Variants in RELA observed in about 807,000 individuals in gnomAD.
RELA encodes the protein RELA proto-oncogene, NF-kB subunit.
Under a neutral mutation model 56.7 loss-of-function variants are expected in RELA, and 14 were observed. The observed-to-expected ratio is 0.25, with a 90% CI of 0.16 to 0.39. RELA has a LOEUF of 0.39. Among genes scored for constraint, RELA ranks in the 10% least tolerant of loss-of-function variants. The probability of loss-of-function intolerance (pLI) is 1.00; values close to 1 mark genes in which losing one functional copy is unlikely to be tolerated. For synonymous variants in RELA, 315 were observed against 289.7 expected (o/e 1.09, Z -0.89); for missense variants, 559 against 736.4 (o/e 0.76, Z 2.79).
intron 5 of RELA, 90 bp from the exon 6 acceptor site, chr11:65,659,887 G>A (rs779387811): frequency 3.2e-5 from 47 of 1,468,152 alleles, no homozygotes; most frequent in Non-Finnish European, 3.8e-5. Context: ...TGGGAGGGCC[G>A]CTGGTGCGTG....
intron 10 of RELA, 63 bp from the exon 11 acceptor site, chr11:65,655,063 G>T: frequency 1.5e-6 from 2 of 1,322,860 alleles, no homozygotes; most frequent in East Asian, 2.5e-5. Context: ...CCCGTCCTCT[G>T]TACCCCAGCC....
chr11:65,659,486 G>T (rs528356664), intron 6 of RELA, among the ~76,000 whole-genome samples, 180 bp downstream of exon 6: 1 of 152,288 alleles, frequency 6.6e-6, no homozygotes, highest in African/African-American at 2.4e-5. Context: ...CTCAAGGACA[G>T]CTCTGGGTCT....
rs1184817070 is a variant in RELA, at chr11:65,654,449, A to G, written c.1585T>C (p.Ser529Pro). 10 of 1,609,762 alleles carry G rather than the reference A, an allele frequency of 6.2e-6. No homozygotes were observed. Among genetic ancestry groups the G allele is most frequent in the Non-Finnish European group, 8.5e-6 (10 of 1,178,276 alleles). The change falls in exon 11 of 11, where the codon TCA becomes CCA. Residue 529 changes from serine (S) to proline (P), a missense_variant. Ser to Pro is a moderately conservative substitution (Grantham distance 74). This residue lies in a region of RELA where 365 missense variants were observed against 387.5 expected (regional missense o/e 0.94). Coordinates refer to ENST00000406246, the MANE Select transcript of RELA (RefSeq NM_021975.4). ...GAPGLPNGLL[S>P]GDEDFSSIAD... ...ATGGAGGAGAAGTCTTCATCTCCTG[A>G]AAGGAGGCCATTGGGGAGCCCCGGG...
chr11:65,661,663 C>A, intron 4 of RELA, 24 bp downstream of exon 4: 1 of 1,545,622 alleles, frequency 6.5e-7, no homozygotes, highest in Non-Finnish European at 8.8e-7. Flanking sequence ...TCATGCTGGG[C>A]CTCCTAGCCT....
In RELA at chr11:65,654,229, TA is replaced by T. The variant is rs1241148365; in HGVS notation, c.*148del. ...GAGAGAGAGATACAGATACTGACAA[TA>T]AAAGAATAAAATATGGCTCCCCCCT... On this transcript the variant is annotated 3_prime_UTR_variant, in exon 11 of 11. Coordinates refer to ENST00000406246, the MANE Select transcript of RELA (RefSeq NM_021975.4). 1.1e-6 allele frequency: 1 copy of T among 937,482 alleles called. No homozygotes were observed. The highest frequency in any genetic ancestry group is 2.0e-5 in the Admixed American group (1 of 50,482). 58.1% of individuals were successfully genotyped at this position (937,482 alleles called of 1,614,324 possible).
At position 65,661,970 on chromosome 11, in the gene RELA, G is replaced by A. The variant is rs770416604; in HGVS notation, c.153C>T (p.Ser51=). 29 of 1,613,900 alleles carry A rather than the reference G, an allele frequency of 1.8e-5. No homozygotes were observed. The highest frequency in any genetic ancestry group is 2.5e-5 in the Non-Finnish European group (29 of 1,179,978). ...TGGGGTGGGTCTTGGTGGTATCTGT[G>A]CTCCTCTCGCCTGGGATGCTGCCCG... ...RSAGSIPGER[S]TDTTKTHPTI... Residue 51 remains serine, a synonymous_variant, in exon 3 of 11, where the codon AGC becomes AGT. Transcript: ENST00000406246.
chr11:65,658,338 A>T lies in RELA; in HGVS notation c.826T>A (p.Ser276Thr). The change falls in exon 8 of 11, where the codon TCC (serine) becomes ACC (threonine). Residue 276 changes from serine to threonine, a missense_variant. This residue lies in a region of RELA where 365 missense variants were observed against 387.5 expected (regional missense o/e 0.94). Coordinates refer to ENST00000406246, the MANE Select transcript of RELA (RefSeq NM_021975.4). This position sits in a 1 kb window ranked among gnomAD's most constrained non-coding sequence, Gnocchi z 4.5. ...VRVSMQLRRP[S>T]DRELSEPMEF... Reference sequence around the variant, plus strand: ...ATGGGCTCACTGAGCTCCCGGTCGGAAGGCCGCCGCAGCTGCATGGAGACA... The same window carrying T: ...ATGGGCTCACTGAGCTCCCGGTCGGTAGGCCGCCGCAGCTGCATGGAGACA... The T allele has an allele frequency of 6.2e-7, 1 of 1,612,534 alleles. No homozygotes were observed. Among genetic ancestry groups the T allele is most frequent in the Non-Finnish European group, 8.5e-7 (1 of 1,179,522 alleles).
rs540172099 is a variant in RELA at position 65,654,978 on chromosome 11, C to T, written c.1056G>A (p.Thr352=). Residue 352 remains threonine (T), a synonymous_variant, in exon 11 of 11, where the codon ACG becomes ACA. Transcript: ENST00000406246. ...PKPAPQPYPF[T]SSLSTINYDE... ...CATAGTTGATGGTGCTCAGGGATGA[C>T]GTAAAGGGATAGGGCTGGGGTGCTG... 36 of 1,602,356 alleles carry T rather than the reference C, an allele frequency of 2.2e-5. No individual in the cohort carries two copies. Among genetic ancestry groups the T allele is most frequent in the Middle Eastern group, 1.7e-4 (1 of 6,048 alleles).
Position 65,658,489 on chromosome 11 carries a change from C to T in RELA, c.675G>A (p.Glu225=). The change falls in exon 8 of 11, where the codon GAG becomes GAA. Residue 225 remains glutamate (E), a synonymous_variant. Transcript: ENST00000406246. This position sits in a 1 kb window ranked among gnomAD's most constrained non-coding sequence, Gnocchi z 4.5. ...LCDKVQKEDI[E]VYFTGPGWEA... is the part of the protein sequence containing the mutation. The stretch of plus-strand genomic sequence containing the variant: ...CCCAGCCTGGTCCCGTGAAATACAC[C>T]TCAATGTCCTCTGCAGGAGATGCGG... 1 of 1,604,854 alleles carries T rather than the reference C, an allele frequency of 6.2e-7. No individual in the cohort carries two copies. Among genetic ancestry groups the T allele is most frequent in the Non-Finnish European group, 8.5e-7 (1 of 1,173,254 alleles).
At position 65,654,775 on chromosome 11, in the gene RELA, G is replaced by A. The variant is rs375768034; in HGVS notation, c.1259C>T (p.Ala420Val). 84 of 1,509,808 alleles carry A rather than the reference G, an allele frequency of 5.6e-5. No individual in the cohort carries two copies. The African/African-American group carries it at 1.0e-3, about 18-fold the overall frequency. 93.5% of individuals were successfully genotyped at this position (1,509,808 alleles called of 1,614,324 possible). A position where few individuals can be genotyped will look rare whatever the true frequency, so the allele number is the denominator to read the frequency against. ...GGGCTTGGGGGCAGGTGGGGCCACA[G>A]CCTGAGGAGGGCCTGGGGCTAGGAC... ...VPVLAPGPPQ[A>V]VAPPAPKPTQ... is the part of the protein sequence containing the mutation. Residue 420 changes from alanine (A) to valine (V), a missense_variant, in exon 11 of 11, where the codon GCT becomes GTT. Physicochemically the swap from Ala to Val is moderately conservative, Grantham distance 64 (BLOSUM62 0). Around this residue, in one of 4 missense-constraint regions of RELA, gnomAD observed 365 missense variants for 387.5 expected, o/e 0.94. Coordinates refer to ENST00000406246, the MANE Select transcript of RELA (RefSeq NM_021975.4).
At chr11:65,657,171 T>C (rs1165488866) in intron 8 of RELA, among the ~76,000 whole-genome samples, 1 of 152,126 alleles carries the variant, frequency 6.6e-6, no homozygotes, top group Non-Finnish European at 1.5e-5. Context: ...AGGACTGGCA[T>C]GAGCCACTTG....
In RELA at chr11:65,661,820, C is replaced by CG. The variant is rs1856575544; in HGVS notation, c.201_202insC (p.Gly68ArgfsTer34). ...AGGGAGATGCGCACTGTCCCTGGTC[C>CG]TGTGTAGCCATTGATCTGTCCAAAG... On this transcript the variant is annotated frameshift_variant, in exon 4 of 11. Transcript: ENST00000406246. LOFTEE classifies it high-confidence loss of function. 1 of 1,612,024 alleles carries CG rather than the reference C, an allele frequency of 6.2e-7. No homozygotes were observed. Among genetic ancestry groups the CG allele is most frequent in the Admixed American group, 1.7e-5 (1 of 59,772 alleles).
Position 65,658,991 on chromosome 11 carries a change from G to A in RELA, c.560-169C>T, listed in dbSNP as rs1206310439. On this transcript the variant is annotated intron_variant, in intron 6 of 10. Transcript: ENST00000406246. This position sits in a 1 kb window ranked among gnomAD's most constrained non-coding sequence, Gnocchi z 4.5. ...TTCTTATTAGCTCCTCACCCCAACC[G>A]ATTCAACAAGTATTTGCCTACTGTG... is the stretch of plus-strand genomic sequence containing the variant. Among the ~76,000 whole-genome samples the A allele has an allele frequency of 6.6e-6, 1 of 152,044 alleles. No individual in the cohort carries two copies. The highest frequency in any genetic ancestry group is 1.5e-5 in the Non-Finnish European group (1 of 67,996).
At chr11:65,663,367 T>C (rs1366868566), upstream of RELA, among the ~76,000 whole-genome samples, 1 of 152,056 alleles carries the variant, frequency 6.6e-6, no homozygotes, top group Non-Finnish European at 1.5e-5. Context: ...CCGCTAAAGG[T>C]GCCTTTCGGT....
At chr11:65,660,271 C>G (rs1189780493) in intron 4 of RELA, 56 bp from the exon 5 acceptor site, 1 of 1,519,358 alleles carries the variant, frequency 6.6e-7, no homozygotes, top group Non-Finnish European at 9.1e-7. Flanking sequence ...GACCTTCCTG[C>G]CTTGCCCAGC....
rs758168856 is a variant in RELA at position 65,654,661 on chromosome 11, G to A, written c.1373C>T (p.Thr458Ile). 8 of 1,568,022 alleles carry A rather than the reference G, an allele frequency of 5.1e-6. No homozygotes were observed. The highest frequency in any genetic ancestry group is 6.9e-6 in the Non-Finnish European group (8 of 1,158,918). ...EDLGALLGNS[T>I]DPAVFTDLAS... ...CAGGTCTGTGAACACAGCTGGGTCT[G>A]TGCTGTTGCCAAGCAAGGCCCCCAG... The change falls in exon 11 of 11, where the codon ACA (threonine) becomes ATA (isoleucine). Residue 458 changes from threonine to isoleucine, a missense_variant. Around this residue, in one of 4 missense-constraint regions of RELA, gnomAD observed 365 missense variants for 387.5 expected, o/e 0.94. Transcript: ENST00000406246.
intron 1 of RELA, 200 bp downstream of exon 1, chr11:65,662,626 G>A (rs1856602017): frequency 2.6e-6 from 1 of 383,630 alleles, no homozygotes; most frequent in Non-Finnish European, 4.5e-6. Context: ...GCTGAGTCAA[G>A]GGCCACCCCC....
chr11:65,663,635 G>A (rs979524937), upstream of RELA, among the ~76,000 whole-genome samples: 3 of 152,230 alleles, frequency 2.0e-5, no homozygotes, highest in Non-Finnish European at 4.4e-5. Context: ...GCCCCCAGGG[G>A]TAAATCCCGG....
chr11:65,660,078 G>A (rs771998591), intron 5 of RELA, 46 bp downstream of exon 5: 1 of 1,564,710 alleles, frequency 6.4e-7, no homozygotes, highest in South Asian at 1.1e-5. Context: ...GGCGGGCTGG[G>A]GAGGGTGACA....
Sources: gnomAD v4.1 joint callset for allele counts (sites outside exome capture counted in the v4.1 genomes callset) on GRCh38, gnomAD v4.1.1 for gene constraint, gnomAD v4.1.1 regional missense constraint, Gnocchi (gnomAD v3.1) non-coding constraint, MANE v1.5 for transcripts, NCBI Gene and HGNC (gene_info 2026-07-23, HGNC 2026-07-21) for gene names.